Variants in DNHD1 observed in about 807,000 individuals in gnomAD.
The protein encoded by DNHD1 is dynein heavy chain domain-containing protein 1.
Under a neutral mutation model 458.1 loss-of-function variants are expected in DNHD1, and 383 were observed. The observed-to-expected ratio is 0.84, with a 90% confidence interval of 0.77 to 0.91. The LOEUF (loss-of-function observed/expected upper bound fraction) is 0.91, where lower values mean the gene tolerates loss of function less well. DNHD1 is among the 40% of genes least tolerant of loss of function. The probability of loss-of-function intolerance (pLI) is 0.00; values close to 1 mark genes in which losing one functional copy is unlikely to be tolerated. For missense variants in DNHD1, 5,336 were observed against 5,866.1 expected (o/e 0.91, Z 2.95); for synonymous variants, 2,203 against 2,376.9 (o/e 0.93, Z 2.13).
intron 38 of DNHD1, 39 bp from the exon 39 acceptor site, chr11:6,568,626 A>ACTGTG: frequency 1.2e-6 from 2 of 1,613,768 alleles, no homozygotes; most frequent in Non-Finnish European, 1.7e-6. Flanking sequence ...TGGGAGGGCA[A>ACTGTG]CTGTGCTGTG....
In DNHD1 at chr11:6,548,856, G is replaced by C; in HGVS notation, c.7310G>C (p.Ser2437Thr). The change falls in exon 24 of 43, where the codon AGC becomes ACC. Residue 2437 changes from serine (S) to threonine (T), a missense_variant. Around this residue, in one of 4 missense-constraint regions of DNHD1, gnomAD observed 3,932 missense variants for 4,365.6 expected, o/e 0.90. Coordinates refer to ENST00000254579, the MANE Select transcript of DNHD1 (RefSeq NM_144666.3). The surrounding 1 kb of genome is among the most constrained non-coding windows in gnomAD (Gnocchi z 4.4). ...SRGIQGQTQA[S>T]PQPGHHQDSK... Reference sequence around the variant, plus strand: ...GGAATCCAGGGCCAAACACAAGCCAGCCCACAGCCTGGGCATCACCAGGAT... The same window carrying C: ...GGAATCCAGGGCCAAACACAAGCCACCCCACAGCCTGGGCATCACCAGGAT... 6.4e-7 allele frequency: 1 copy of C among 1,551,716 alleles called. No homozygotes were observed. The highest frequency in any genetic ancestry group is 1.4e-5 in the African/African-American group (1 of 73,178).
rs953377677 is a variant in DNHD1, at chr11:6,548,510, T to C, written c.7098+108T>C. On this transcript the variant is annotated intron_variant, in intron 23 of 42. Transcript: ENST00000254579. The surrounding 1 kb of genome is among the most constrained non-coding windows in gnomAD (Gnocchi z 4.4). Reference sequence around the variant, plus strand: ...GCCCACTTGCTCCCTTTCTTTGATATATTTTCACAATCACAAGAATACATG... The same window carrying C: ...GCCCACTTGCTCCCTTTCTTTGATACATTTTCACAATCACAAGAATACATG... 1.4e-6 allele frequency: 2 copies of C among 1,455,134 alleles called. No homozygotes were observed. Among genetic ancestry groups the C allele is most frequent in the Non-Finnish European group, 1.9e-6 (2 of 1,076,044 alleles). 90.1% of individuals were successfully genotyped at this position (1,455,134 alleles called of 1,614,324 possible). A position where few individuals can be genotyped will look rare whatever the true frequency, so the allele number is the denominator to read the frequency against.
At position 6,498,659 on chromosome 11, in the gene DNHD1, C is replaced by T; in HGVS notation, c.444C>T (p.Asp148=). 1 of 1,614,240 alleles carries T rather than the reference C, an allele frequency of 6.2e-7. No individual in the cohort carries two copies. The highest frequency in any genetic ancestry group is 8.5e-7 in the Non-Finnish European group (1 of 1,180,044). ...SSLLDSASHA[D]CCPQKRRLHH... is the part of the protein sequence containing the mutation. ...TGTTAGACAGTGCTTCCCATGCTGA[C>T]TGCTGTCCCCAGAAGCGGAGGCTCC... Residue 148 remains aspartate, a synonymous_variant, in exon 3 of 43, where the codon GAC becomes GAT. Transcript: ENST00000254579.
chr11:6,522,004 A>C (rs1228377488), intron 10 of DNHD1, among the ~76,000 whole-genome samples: 1 of 152,224 alleles, frequency 6.6e-6, no homozygotes, highest in Non-Finnish European at 1.5e-5. Flanking sequence ...GGCATGAGCC[A>C]CTGTGCCTAG....
At position 6,498,109 on chromosome 11, in the gene DNHD1, G is replaced by A. The variant is rs141467778; in HGVS notation, c.-107G>A. The A allele has an allele frequency of 2.9e-3, 4,331 of 1,492,900 alleles. 9 individuals carry two copies. Among genetic ancestry groups the A allele is most frequent in the South Asian group, 6.5e-3 (502 of 77,142 alleles). The allele number at this position is 1,492,900 out of a possible 1,614,324, so 92.5% of individuals were successfully genotyped here. ...GGTCCCTTCTCTGGCCCCTCTGCTG[G>A]GCTGGCCCATGCAGGTGAGGCCCCG... On this transcript the variant is annotated 5_prime_UTR_variant, in exon 3 of 43. Transcript: ENST00000254579.
At chr11:6,508,034 G>A (rs958132498) in intron 4 of DNHD1, among the ~76,000 whole-genome samples, 59 of 151,984 alleles carry the variant, frequency 3.9e-4, no homozygotes, top group African/African-American at 1.3e-3. Context: ...ATAGGACTTA[G>A]GATACAGCTT....
chr11:6,542,637 C>T (rs1014724743), intron 18 of DNHD1, among the ~76,000 whole-genome samples: 2 of 152,242 alleles, frequency 1.3e-5, no homozygotes, highest in African/African-American at 4.8e-5. Flanking sequence ...AGTGGCCACA[C>T]ACCATGAAGC....
chr11:6,512,607 G>T (rs922932319), intron 7 of DNHD1, among the ~76,000 whole-genome samples: 1 of 152,030 alleles, frequency 6.6e-6, no homozygotes, highest in Non-Finnish European at 1.5e-5. Flanking sequence ...AAAAATACCC[G>T]TAATAAAACA....
chr11:6,519,173 A>G (rs1470498154), intron 7 of DNHD1, among the ~76,000 whole-genome samples: 1 of 152,174 alleles, frequency 6.6e-6, no homozygotes, highest in Non-Finnish European at 1.5e-5. Context: ...AACATAAACC[A>G]ATATCATTCT....
intron 18 of DNHD1, among the ~76,000 whole-genome samples, chr11:6,541,429 TTAAC>T (rs1200697486): frequency 1.3e-5 from 2 of 152,224 alleles, no homozygotes; most frequent in Non-Finnish European, 2.9e-5. Flanking sequence ...CGCACACACT[TTAAC>T]TAGTGGAAGC....
intron 7 of DNHD1, among the ~76,000 whole-genome samples, chr11:6,511,762 A>T (rs1852338824): frequency 6.6e-6 from 1 of 152,194 alleles, no homozygotes; most frequent in African/African-American, 2.4e-5. Context: ...CTGGTCTTTT[A>T]TGCTGCTGAG....
chr11:6,570,352 C>G lies in DNHD1; in HGVS notation c.13061C>G (p.Pro4354Arg). The G allele has an allele frequency of 6.2e-7, 1 of 1,612,128 alleles. No homozygotes were observed. The highest frequency in any genetic ancestry group is 1.1e-5 in the South Asian group (1 of 90,706). Residue 4354 changes from proline (P) to arginine (R), a missense_variant, in exon 41 of 43, where the codon CCA becomes CGA. By Grantham distance (103) the Pro-to-Arg change is moderately radical (BLOSUM62 -2). This residue lies in a region of DNHD1 where 698 missense variants were observed against 664.9 expected (regional missense o/e 1.05). Coordinates refer to ENST00000254579, the MANE Select transcript of DNHD1 (RefSeq NM_144666.3). ...CCCAGTAGTGGGAGCTGGGTCCAGCCACACACACCTCAGTCTTTGCTGGCC... is the reference window on the plus strand; with the variant it reads ...CCCAGTAGTGGGAGCTGGGTCCAGCGACACACACCTCAGTCTTTGCTGGCC... Reference protein sequence around the residue: ...LSPSSGSWVQPHTPQSLLATL... With the variant: ...LSPSSGSWVQRHTPQSLLATL...
At position 6,546,724 on chromosome 11, in the gene DNHD1, C is replaced by T. The variant is rs771051933; in HGVS notation, c.5785C>T (p.Arg1929Ter). Reference sequence around the variant, plus strand: ...CAATGGGCTCCACCTGCACAACCTCCGAGGGCTGTTGTGTGCGCTTTTCCC... The same window carrying T: ...CAATGGGCTCCACCTGCACAACCTCTGAGGGCTGTTGTGTGCGCTTTTCCC... ...ILNGLHLHNL[R>*]GLLCALFPSA... is the part of the protein sequence containing the mutation. Residue 1929 changes from arginine to a stop codon, truncating the protein, a stop_gained, in exon 21 of 43, where the codon CGA (arginine) becomes TGA (stop). Transcript: ENST00000254579. LOFTEE classifies it high-confidence loss of function. The T allele has an allele frequency of 1.7e-5, 27 of 1,551,654 alleles. No individual in the cohort carries two copies. Among genetic ancestry groups the T allele is most frequent in the Middle Eastern group, 1.7e-4 (1 of 6,014 alleles).
chr11:6,542,755 T>C (rs1239243895), intron 18 of DNHD1, among the ~76,000 whole-genome samples: 1 of 152,222 alleles, frequency 6.6e-6, no homozygotes, highest in East Asian at 1.9e-4. Context: ...CTACAAATTA[T>C]TAATCTCCCC....
rs200724241 is a variant in DNHD1 at position 6,498,892 on chromosome 11, T to C, written c.677T>C (p.Ile226Thr). Residue 226 changes from isoleucine (I) to threonine (T), a missense_variant, in exon 3 of 43, where the codon ATC (isoleucine) becomes ACC (threonine). Ile to Thr is a moderately conservative substitution (Grantham distance 89). This residue lies in a region of DNHD1 where 3,932 missense variants were observed against 4,365.6 expected (regional missense o/e 0.90). Transcript: ENST00000254579. Reference protein sequence around the residue: ...SLLPLALAADIPVRYESSDTD... With the variant: ...SLLPLALAADTPVRYESSDTD... ...CTTCCCTTGGCACTGGCAGCGGACATCCCTGTACGGTATGAAAGCAGTGAC... is the reference window on the plus strand; with the variant it reads ...CTTCCCTTGGCACTGGCAGCGGACACCCCTGTACGGTATGAAAGCAGTGAC... 6.2e-6 allele frequency: 10 copies of C among 1,614,130 alleles called. No homozygotes were observed. The highest frequency in any genetic ancestry group is 4.2e-6 in the Non-Finnish European group (5 of 1,180,000).
chr11:6,538,245 G>A, intron 14 of DNHD1, 138 bp from the exon 15 acceptor site: 1 of 677,938 alleles, frequency 1.5e-6, no homozygotes, highest in Non-Finnish European at 2.5e-6. Context: ...CAAACAATTT[G>A]GAACTCCACC....
chr11:6,508,757 C>G, intron 4 of DNHD1, 123 bp from the exon 5 acceptor site: 1 of 800,664 alleles, frequency 1.2e-6, no homozygotes, highest in Non-Finnish European at 2.0e-6. Flanking sequence ...CTCTTTGCCC[C>G]TTTTTCTCCT....
At position 6,545,096 on chromosome 11, in the gene DNHD1, G is replaced by A. The variant is rs1010210418; in HGVS notation, c.4157G>A (p.Arg1386His). ...TGCGAAGCCCAGCTATGGGTACGAC[G>A]CTGCTTTCCTCATGTGCATGCTGTG... ...ESCEAQLWVR[R>H]CFPHVHAVSF... Residue 1386 changes from arginine to histidine, a missense_variant, in exon 21 of 43, where the codon CGC becomes CAC. Arg to His is a conservative substitution (Grantham distance 29). Coordinates refer to ENST00000254579, the MANE Select transcript of DNHD1 (RefSeq NM_144666.3). This position sits in a 1 kb window ranked among gnomAD's most constrained non-coding sequence, Gnocchi z 4.9. 1.2e-5 allele frequency: 19 copies of A among 1,551,936 alleles called. No individual in the cohort carries two copies. The highest frequency in any genetic ancestry group is 7.8e-5 in the Admixed American group (4 of 50,992).
At chr11:6,525,374 A>G (rs1338512242) in intron 10 of DNHD1, among the ~76,000 whole-genome samples, 7 of 152,212 alleles carry the variant, frequency 4.6e-5, no homozygotes, top group Admixed American at 4.6e-4. Context: ...CAATAGAGGA[A>G]GGGAGAAGGG....
Sources: allele counts gnomAD v4.1 joint callset (sites outside exome capture counted in the v4.1 genomes callset), GRCh38; gene constraint gnomAD v4.1.1; regional missense constraint gnomAD v4.1.1; non-coding constraint Gnocchi (gnomAD v3.1); transcripts MANE v1.5; gene names NCBI Gene and HGNC (gene_info 2026-07-23, HGNC 2026-07-21).